Variants in LDLRAD4 observed in about 807,000 individuals in gnomAD.
LDLRAD4 encodes the protein low density lipoprotein receptor class A domain containing 4.
Under a neutral mutation model 17.0 loss-of-function variants are expected in LDLRAD4, and 5 were observed. The ratio of observed to expected loss-of-function variants is 0.29; its 90% confidence interval spans 0.15 to 0.62. The LOEUF (loss-of-function observed/expected upper bound fraction) is 0.62, where lower values mean the gene tolerates loss of function less well. LDLRAD4 is among the 20% of genes least tolerant of loss of function. The pLI, the probability that LDLRAD4 is intolerant of heterozygous loss-of-function variation, is 0.84. For missense variants in LDLRAD4, 340 were observed against 424.7 expected (o/e 0.80, Z 1.75); for synonymous variants, 168 against 171.8 (o/e 0.98, Z 0.17).
chr18:13,422,863 T>C (rs2089613994), intron 2 of LDLRAD4, among the ~76,000 whole-genome samples: 1 of 152,238 alleles, frequency 6.6e-6, no homozygotes, highest in Non-Finnish European at 1.5e-5. Flanking sequence ...GGCTGTGGGC[T>C]GTAGCTGCTT....
chr18:13,637,295 A>T (rs1353868690), intron 4 of LDLRAD4, among the ~76,000 whole-genome samples: 1 of 151,952 alleles, frequency 6.6e-6, no homozygotes, highest in Non-Finnish European at 1.5e-5. Flanking sequence ...GATAGTCTTT[A>T]TGCAGTGGCG....
At chr18:13,564,005 A>C (rs1264354626) in intron 3 of LDLRAD4, among the ~76,000 whole-genome samples, 2 of 152,194 alleles carry the variant, frequency 1.3e-5, no homozygotes, top group Non-Finnish European at 2.9e-5. Flanking sequence ...TCCTGAGCTC[A>C]AGTGGTCCTC....
intron 2 of LDLRAD4, among the ~76,000 whole-genome samples, chr18:13,412,835 T>C (rs1261223982): frequency 6.6e-6 from 1 of 152,204 alleles, no homozygotes; most frequent in African/African-American, 2.4e-5. Flanking sequence ...ATGTACCAAT[T>C]TGTACATGAT....
At chr18:13,623,443 G>A (rs1179992856) in intron 4 of LDLRAD4, among the ~76,000 whole-genome samples, 11 of 152,242 alleles carry the variant, frequency 7.2e-5, no homozygotes, top group African/African-American at 2.2e-4. Context: ...GCAGAGATCC[G>A]GCTGCACCGA....
chr18:13,645,366 C>T lies in LDLRAD4; in HGVS notation c.630C>T (p.Asn210=), dbSNP rs1348680622. ...GAGAGTCCGTGAGGGCCCCACCCAA[C>T]CGAACCATATTTGACAGTGATTTAA... The change falls in exon 6 of 6, where the codon AAC becomes AAT. Residue 210 remains asparagine (N), a synonymous_variant. Transcript: ENST00000359446. The surrounding 1 kb of genome is among the most constrained non-coding windows in gnomAD (Gnocchi z 5.7). The T allele has an allele frequency of 1.1e-5, 17 of 1,614,072 alleles. No individual in the cohort carries two copies. Among genetic ancestry groups the T allele is most frequent in the Admixed American group, 1.7e-5 (1 of 60,000 alleles).
intron 1 of LDLRAD4, among the ~76,000 whole-genome samples, chr18:13,383,379 C>T (rs73954265): frequency 0.019 from 2,862 of 152,282 alleles, 95 homozygotes; most frequent in African/African-American, 0.065. Context: ...GGAGTCGCAA[C>T]TGCAGATGTT....
At chr18:13,476,003 G>A (rs2092930156) in intron 3 of LDLRAD4, among the ~76,000 whole-genome samples, 1 of 152,112 alleles carries the variant, frequency 6.6e-6, no homozygotes, top group Non-Finnish European at 1.5e-5. Context: ...GGAACGGGAG[G>A]TCAGCCTCAT....
At chr18:13,438,195 G>C (rs756815419) in intron 2 of LDLRAD4, 49 bp from the exon 4 acceptor site, 7 of 1,578,076 alleles carry the variant, frequency 4.4e-6, no homozygotes, top group Non-Finnish European at 8.7e-7. Flanking sequence ...CAGCTCAAGA[G>C]CACCAAGCTT....
intron 3 of LDLRAD4, chr18:13,490,783 A>G (rs1207446602): frequency 2.0e-5 from 3 of 152,216 alleles, no homozygotes; most frequent in Non-Finnish European, 2.9e-5. Flanking sequence ...AGCATGCAGC[A>G]TGGCCCATTC....
chr18:13,628,540 T>C (rs1169823961), intron 4 of LDLRAD4, among the ~76,000 whole-genome samples: 2 of 152,216 alleles, frequency 1.3e-5, no homozygotes, highest in African/African-American at 4.8e-5. Context: ...GCCCAGGTGG[T>C]CATTTGAAAG....
chr18:13,387,562 C>T (rs772840249), exon 2 of LDLRAD4: 6 of 655,902 alleles, frequency 9.1e-6, no homozygotes, highest in East Asian at 2.8e-5. Flanking sequence ...ACCGCCCGCC[C>T]GCGCGAGAGC....
At chr18:13,480,866 A>C (rs1300042434) in intron 3 of LDLRAD4, among the ~76,000 whole-genome samples, 1 of 152,238 alleles carries the variant, frequency 6.6e-6, no homozygotes, top group Non-Finnish European at 1.5e-5. Context: ...CCTCACAGAC[A>C]CCCATGACTC....
intron 3 of LDLRAD4, among the ~76,000 whole-genome samples, chr18:13,528,159 T>G (rs1048992311): frequency 6.6e-6 from 1 of 151,960 alleles, no homozygotes. Flanking sequence ...TCCCTGAGAG[T>G]GGGGGCTCTT....
chr18:13,548,753 G>C (rs1042021645), intron 3 of LDLRAD4, among the ~76,000 whole-genome samples: 2 of 152,192 alleles, frequency 1.3e-5, no homozygotes, highest in African/African-American at 4.8e-5. Flanking sequence ...CCACCAACTT[G>C]GAAAGGGTTA....
chr18:13,313,481 G>C (rs1421717283), intron 1 of LDLRAD4, among the ~76,000 whole-genome samples: 1 of 152,194 alleles, frequency 6.6e-6, no homozygotes, highest in Non-Finnish European at 1.5e-5. Flanking sequence ...GAGCGTGCAA[G>C]CTTGAGTCGT....
At position 13,621,870 on chromosome 18, in the gene LDLRAD4, G is replaced by A. The variant is rs1035744361; in HGVS notation, c.336+599G>A. ...GGTGGGTTGTGGAGGGTGGGGTTGTGGAGGGTGGGGTTGTCGGCGGTGGAC... is the reference window on the plus strand; with the variant it reads ...GGTGGGTTGTGGAGGGTGGGGTTGTAGAGGGTGGGGTTGTCGGCGGTGGAC... On this transcript the variant is annotated intron_variant, in intron 4 of 5. Transcript: ENST00000359446. The surrounding 1 kb of genome is among the most constrained non-coding windows in gnomAD (Gnocchi z 5.5). 1.3e-5 allele frequency among the ~76,000 whole-genome samples: 2 copies of A among 151,816 alleles called. No homozygotes were observed. The highest frequency in any genetic ancestry group is 6.6e-5 in the Admixed American group (1 of 15,244).
intron 1 of LDLRAD4, among the ~76,000 whole-genome samples, chr18:13,315,152 T>C (rs1567997648): frequency 6.6e-6 from 1 of 152,166 alleles, no homozygotes. Context: ...TGAAATAGTT[T>C]AGCCTTCACA....
chr18:13,620,065 C>T (rs774579029), intron 3 of LDLRAD4, among the ~76,000 whole-genome samples: 3 of 152,188 alleles, frequency 2.0e-5, no homozygotes, highest in East Asian at 1.9e-4. Context: ...GCCTCACCCT[C>T]GGTTCCCAGG....
intron 3 of LDLRAD4, among the ~76,000 whole-genome samples, chr18:13,458,643 C>T (rs2092272848): frequency 6.6e-6 from 1 of 152,186 alleles, no homozygotes; most frequent in South Asian, 2.1e-4. Flanking sequence ...ACCTTACTAG[C>T]AAAAGGGACT....
Sources: allele counts gnomAD v4.1 joint callset (sites outside exome capture counted in the v4.1 genomes callset), GRCh38; gene constraint gnomAD v4.1.1; non-coding constraint Gnocchi (gnomAD v3.1); transcripts MANE v1.5; gene names NCBI Gene and HGNC (gene_info 2026-07-23, HGNC 2026-07-21).